The following SUGCT variants were observed in gnomAD, a reference collection of about 807,000 sequenced individuals.
SUGCT encodes the protein succinyl-CoA:glutarate-CoA transferase.
In SUGCT, 41 loss-of-function variants were observed where a neutral mutation model predicts 55.0. The ratio of observed to expected loss-of-function variants is 0.74; its 90% CI spans 0.58 to 0.97. SUGCT has a LOEUF of 0.97. SUGCT is among the 50% of genes least tolerant of loss of function. The probability of loss-of-function intolerance (pLI) is 0.00; values close to 1 mark genes in which losing one functional copy is unlikely to be tolerated. For synonymous variants in SUGCT, 187 were observed against 200.4 expected (o/e 0.93, Z 0.56); for missense variants, 568 against 547.8 (o/e 1.04, Z -0.37).
At chr7:40,609,550 C>CAAAAAA (rs934513690) in intron 12 of SUGCT, among the ~76,000 whole-genome samples, 3 of 70,828 alleles carry the variant, frequency 4.2e-5, no homozygotes. Flanking sequence ...GACTCCATCT[C>CAAAAAA]AAAAAAAAAA....
Position 40,533,475 on chromosome 7 carries a change from G to T in SUGCT, c.1089+37089G>T, listed in dbSNP as rs115483250. Among the ~76,000 whole-genome samples the T allele has an allele frequency of 4.6e-3, 703 of 151,908 alleles. 6 individuals carry two copies. The highest frequency in any genetic ancestry group is 0.016 in the African/African-American group (660 of 41,474). On this transcript the variant is annotated intron_variant, in intron 12 of 13. Transcript: ENST00000335693. ...TCTTGTTTTATGTTTTTACAGTTTTGTAGACTTTTTTTGCATTTGGAGAAT... is the reference window on the plus strand; with the variant it reads ...TCTTGTTTTATGTTTTTACAGTTTTTTAGACTTTTTTTGCATTTGGAGAAT...
At chr7:40,184,572 A>G (rs938546696) in intron 3 of SUGCT, among the ~76,000 whole-genome samples, 19 of 151,934 alleles carry the variant, frequency 1.3e-4, no homozygotes, top group African/African-American at 4.4e-4. Context: ...GGCTCAAACG[A>G]TCCTTCGACC....
At position 40,366,965 on chromosome 7, in the gene SUGCT, C is replaced by T. The variant is rs138253134; in HGVS notation, c.816+50110C>T. Among the ~76,000 whole-genome samples, 368 of 152,202 alleles carry T rather than the reference C, an allele frequency of 2.4e-3. 3 individuals are homozygous for T. Among genetic ancestry groups the T allele is most frequent in the African/African-American group, 7.7e-3 (321 of 41,534 alleles). On this transcript the variant is annotated intron_variant, in intron 9 of 13. Transcript: ENST00000335693. Reference sequence around the variant, plus strand: ...ATGCTGCTATGAAGACACATGCACACGTATGTTTATTGCGGCACTATTCAC... The same window carrying T: ...ATGCTGCTATGAAGACACATGCACATGTATGTTTATTGCGGCACTATTCAC...
At position 40,203,837 on chromosome 7, in the gene SUGCT, ATGT is replaced by A. The variant is rs1384742362; in HGVS notation, c.484+8781_484+8783del. ...TAATAAGATAAACATATTTTGGCTA[ATGT>A]TGTAGATTTTCAACTATTTAAACCC... On this transcript the variant is annotated intron_variant, in intron 6 of 13. Transcript: ENST00000335693. 5.3e-5 allele frequency among the ~76,000 whole-genome samples: 8 copies of A among 152,144 alleles called. 1 individual carries two copies. Among genetic ancestry groups the A allele is most frequent in the Admixed American group, 5.2e-4 (8 of 15,276 alleles).
the SUGCT span, among the ~76,000 whole-genome samples, chr7:40,901,083 G>A: frequency 3.3e-5 from 5 of 152,164 alleles, no homozygotes; most frequent in African/African-American, 7.2e-5. Flanking sequence ...TTTTCATCTT[G>A]TGATTCATAC....
At chr7:40,238,393 C>T (rs1789148687) in intron 7 of SUGCT, among the ~76,000 whole-genome samples, 2 of 151,670 alleles carry the variant, frequency 1.3e-5, no homozygotes, top group African/African-American at 4.8e-5. Flanking sequence ...AAAAAAAAGG[C>T]TCTCGGGGAA....
chr7:40,819,737 T>C (rs562340071), intron 13 of SUGCT, among the ~76,000 whole-genome samples: 10 of 152,374 alleles, frequency 6.6e-5, no homozygotes, highest in Non-Finnish European at 1.5e-4. Context: ...TAGTTTCTTT[T>C]GCTGTGCAGA....
intron 6 of SUGCT, among the ~76,000 whole-genome samples, chr7:40,219,587 C>T (rs376881427): frequency 2.6e-5 from 4 of 152,036 alleles, no homozygotes; most frequent in African/African-American, 4.8e-5. Flanking sequence ...CTCTTTGGGA[C>T]GTTGTGACCA....
At chr7:40,859,399 T>C (rs938071522) in intron 13 of SUGCT, among the ~76,000 whole-genome samples, 1 of 152,182 alleles carries the variant, frequency 6.6e-6, no homozygotes, top group South Asian at 2.1e-4. Flanking sequence ...AGCAAAACTT[T>C]AGGTTTTAGG....
intron 6 of SUGCT, among the ~76,000 whole-genome samples, chr7:40,226,868 A>G (rs1788398045): frequency 6.6e-6 from 1 of 151,894 alleles, no homozygotes; most frequent in African/African-American, 2.4e-5. Context: ...AGGTCCTGCC[A>G]TTGCACTCCA....
the SUGCT span, chr7:40,966,991 T>C: frequency 6.6e-6 from 1 of 152,236 alleles, no homozygotes; most frequent in Non-Finnish European, 1.5e-5. Context: ...TGCATCAGAC[T>C]TCATTTTTCT....
At chr7:40,428,498 GCTCT>G (rs915651362) in intron 9 of SUGCT, among the ~76,000 whole-genome samples, 1 of 145,464 alleles carries the variant, frequency 6.9e-6, no homozygotes, top group African/African-American at 2.5e-5. Context: ...TTTTGTAGTT[GCTCT>G]CTCTCTTTCT....
At chr7:40,178,612 T>C (rs1785036648) in intron 1 of SUGCT, among the ~76,000 whole-genome samples, 1 of 152,258 alleles carries the variant, frequency 6.6e-6, no homozygotes, top group South Asian at 2.1e-4. Context: ...GTCCTCCTGA[T>C]AACCAATACT....
chr7:40,337,567 C>T (rs1034447037), intron 9 of SUGCT, among the ~76,000 whole-genome samples: 1 of 152,138 alleles, frequency 6.6e-6, no homozygotes, highest in Non-Finnish European at 1.5e-5. Flanking sequence ...ACTAGGATTG[C>T]AACCCCTGCC....
At chr7:40,456,646 A>G (rs1382222800) in intron 10 of SUGCT, among the ~76,000 whole-genome samples, 1 of 151,984 alleles carries the variant, frequency 6.6e-6, no homozygotes, top group Non-Finnish European at 1.5e-5. Context: ...GTGGCCTGTG[A>G]TGGGGGTAGG....
At chr7:40,956,967 A>G in the SUGCT span, among the ~76,000 whole-genome samples, 1 of 151,960 alleles carries the variant, frequency 6.6e-6, no homozygotes. Context: ...ATTTGATTGC[A>G]CTGTGGTCTG....
At chr7:40,849,733 C>CGGA in intron 13 of SUGCT, among the ~76,000 whole-genome samples, 1 of 151,546 alleles carries the variant, frequency 6.6e-6, no homozygotes, top group South Asian at 2.1e-4. Context: ...GACCGTGTTA[C>CGGA]GGAGGGATCT....
chr7:40,247,113 ATACC>A (rs1789938667), intron 7 of SUGCT, among the ~76,000 whole-genome samples: 1 of 152,104 alleles, frequency 6.6e-6, no homozygotes, highest in African/African-American at 2.4e-5. Flanking sequence ...CTCTTGGTAT[ATACC>A]TACAAGTGAA....
chr7:40,513,308 C>T (rs4723966), intron 12 of SUGCT, among the ~76,000 whole-genome samples: 1 of 151,890 alleles, frequency 6.6e-6, no homozygotes, highest in South Asian at 2.1e-4. Flanking sequence ...ATGAATGAGC[C>T]CTGTAAAAGC....
Sources: gnomAD v4.1 joint callset for allele counts (sites outside exome capture counted in the v4.1 genomes callset) on GRCh38, gnomAD v4.1.1 for gene constraint, MANE v1.5 for transcripts, NCBI Gene and HGNC (gene_info 2026-07-23, HGNC 2026-07-21) for gene names.